BTBD9: variants seen among roughly 807,000 people sequenced by gnomAD.
The protein encoded by BTBD9 is BTB domain containing 9, also known as BTB/POZ domain-containing protein 9.
A neutral mutation model predicts 64.3 loss-of-function variants in BTBD9; 49 were observed. The ratio of observed to expected loss-of-function variants is 0.76; its 90% confidence interval spans 0.61 to 0.97. The LOEUF (loss-of-function observed/expected upper bound fraction) is 0.97, where lower values mean the gene tolerates loss of function less well. Ranked by LOEUF, BTBD9 falls within the 50% of genes least tolerant of loss-of-function variation. BTBD9 has a pLI of 0.00. For synonymous variants in BTBD9, 260 were observed against 274.7 expected, an observed-to-expected ratio of 0.95 and a Z score of 0.53; for missense variants, 598 against 762.1, an observed-to-expected ratio of 0.78 and a Z score of 2.53.
At chr6:38,504,242 T>C (rs1202840625) in intron 6 of BTBD9, among the ~76,000 whole-genome samples, 1 of 152,214 alleles carries the variant, frequency 6.6e-6, no homozygotes, top group Non-Finnish European at 1.5e-5. Context: ...TTGGACTTCA[T>C]TTCAAATGCA....
intron 9 of BTBD9, among the ~76,000 whole-genome samples, chr6:38,256,003 G>A (rs1393082100): frequency 6.6e-6 from 1 of 151,652 alleles, no homozygotes; most frequent in Non-Finnish European, 1.5e-5. Context: ...AACCAACATG[G>A]CACATGTATA....
At chr6:38,493,924 T>A (rs376328961) in intron 6 of BTBD9, among the ~76,000 whole-genome samples, 2 of 152,252 alleles carry the variant, frequency 1.3e-5, no homozygotes, top group East Asian at 3.8e-4. Context: ...TACACACATT[T>A]GAGTAAATTA....
chr6:38,371,388 T>C (rs1197254283), intron 6 of BTBD9, among the ~76,000 whole-genome samples: 2 of 152,184 alleles, frequency 1.3e-5, no homozygotes, highest in African/African-American at 4.8e-5. Flanking sequence ...TTGTGATGGA[T>C]GCTAAGAACA....
intron 6 of BTBD9, among the ~76,000 whole-genome samples, chr6:38,562,993 C>T (rs1775321340): frequency 6.6e-6 from 1 of 152,082 alleles, no homozygotes; most frequent in South Asian, 2.1e-4. Flanking sequence ...GGCTGATGGA[C>T]ACTTCCCATT....
chr6:38,232,417 G>A (rs972779188), intron 9 of BTBD9, among the ~76,000 whole-genome samples: 6 of 151,854 alleles, frequency 4.0e-5, no homozygotes, highest in Non-Finnish European at 8.8e-5. Flanking sequence ...ACTATAGGCG[G>A]CTGCCACCAC....
At chr6:38,441,434 G>C (rs973650079) in intron 6 of BTBD9, among the ~76,000 whole-genome samples, 4 of 152,066 alleles carry the variant, frequency 2.6e-5, no homozygotes, top group Admixed American at 1.3e-4. Flanking sequence ...AGATGTTTTT[G>C]TTTTAGAGAG....
intron 6 of BTBD9, chr6:38,402,992 A>C (rs1767003570): frequency 1.8e-6 from 1 of 554,850 alleles, no homozygotes; most frequent in East Asian, 3.2e-5. Context: ...AGAATTGCTT[A>C]AGCCTGGGAC....
At chr6:38,404,805 A>G (rs541316599) in intron 6 of BTBD9, among the ~76,000 whole-genome samples, 1 of 152,200 alleles carries the variant, frequency 6.6e-6, no homozygotes, top group Non-Finnish European at 1.5e-5. Context: ...CACTCCAGGT[A>G]AAAAGGTAGA....
chr6:38,306,826 ATAACACT>A (rs1762643653), intron 7 of BTBD9, among the ~76,000 whole-genome samples: 2 of 152,202 alleles, frequency 1.3e-5, no homozygotes, highest in African/African-American at 4.8e-5. Flanking sequence ...GTAAAAGGAA[ATAACACT>A]TAGCAGTTAC....
chr6:38,523,362 T>C lies in BTBD9; in HGVS notation c.1154+54238A>G, dbSNP rs1562294435. Reference sequence around the variant, plus strand: ...TCCACCAATCTAGCAATCTATTTTATATTAAAATTAAAATATTGCTTGTAC... The same window carrying C: ...TCCACCAATCTAGCAATCTATTTTACATTAAAATTAAAATATTGCTTGTAC... On this transcript the variant is annotated intron_variant, in intron 6 of 10. Transcript: ENST00000481247. Among the ~76,000 whole-genome samples the C allele has an allele frequency of 3.3e-5, 5 of 152,196 alleles. No individual in the cohort carries two copies. In the South Asian group the frequency reaches 8.3e-4, roughly 25 times the overall value.
At chr6:38,360,293 T>C (rs183512893) in intron 6 of BTBD9, among the ~76,000 whole-genome samples, 1 of 152,292 alleles carries the variant, frequency 6.6e-6, no homozygotes, top group African/African-American at 2.4e-5. Flanking sequence ...ACATACTAAG[T>C]GCTCAATAAA....
At chr6:38,594,441 G>C in intron 2 of BTBD9, 114 bp from the exon 3 acceptor site, 1 of 1,287,274 alleles carries the variant, frequency 7.8e-7, no homozygotes, top group Non-Finnish European at 1.0e-6. Context: ...ATGACACAAA[G>C]ATCCAAGTGA....
chr6:38,272,960 C>T (rs969945782), intron 8 of BTBD9, among the ~76,000 whole-genome samples: 1 of 152,138 alleles, frequency 6.6e-6, no homozygotes, highest in Non-Finnish European at 1.5e-5. Flanking sequence ...AGATCCCAAC[C>T]AACCCTTCTC....
At chr6:38,321,117 G>A (rs760119350) in intron 7 of BTBD9, among the ~76,000 whole-genome samples, 14 of 152,324 alleles carry the variant, frequency 9.2e-5, no homozygotes, top group African/African-American at 2.2e-4. Context: ...TTAATTAAAC[G>A]AAGGGGTCTT....
chr6:38,381,910 T>C (rs1765950803), intron 6 of BTBD9, among the ~76,000 whole-genome samples: 2 of 152,062 alleles, frequency 1.3e-5, no homozygotes, highest in Non-Finnish European at 2.9e-5. Context: ...ACTTAGATAA[T>C]ATAAGAATAA....
chr6:38,571,949 GC>G (rs2127466852), intron 6 of BTBD9, among the ~76,000 whole-genome samples: 1 of 151,110 alleles, frequency 6.6e-6, no homozygotes, highest in East Asian at 1.9e-4. Context: ...GACAGAGCAA[GC>G]CCATCTAAAA....
chr6:38,618,894 A>G (rs1414408513), intron 1 of BTBD9, among the ~76,000 whole-genome samples: 1 of 152,216 alleles, frequency 6.6e-6, no homozygotes, highest in East Asian at 1.9e-4. Flanking sequence ...TGATAGCCGG[A>G]GAAAGGGACA....
At chr6:38,315,005 C>T (rs1054474203) in intron 7 of BTBD9, among the ~76,000 whole-genome samples, 3 of 152,078 alleles carry the variant, frequency 2.0e-5, no homozygotes, top group Non-Finnish European at 4.4e-5. Context: ...CCCGCCACCA[C>T]ATCTGGCTAA....
At chr6:38,606,448 C>A (rs1183941883) in intron 1 of BTBD9, among the ~76,000 whole-genome samples, 1 of 152,118 alleles carries the variant, frequency 6.6e-6, no homozygotes, top group Non-Finnish European at 1.5e-5. Context: ...AATATGACAA[C>A]TTTACTACTT....
Sources: gnomAD v4.1 joint callset for allele counts (sites outside exome capture counted in the v4.1 genomes callset) on GRCh38, gnomAD v4.1.1 for gene constraint, MANE v1.5 for transcripts, NCBI Gene and HGNC (gene_info 2026-07-23, HGNC 2026-07-21) for gene names.